The following EXT1 variants were observed in gnomAD, a reference collection of about 807,000 sequenced individuals.
EXT1 encodes the protein exostosin glycosyltransferase 1.
EXT1 carries 20 observed loss-of-function variants against 82.5 expected under a neutral mutation model. The ratio of observed to expected loss-of-function variants is 0.24; its 90% CI spans 0.17 to 0.35. EXT1 has a LOEUF of 0.35. Ranked by LOEUF, EXT1 falls within the 10% of genes least tolerant of loss-of-function variation. The pLI, the probability that EXT1 is intolerant of heterozygous loss-of-function variation, is 1.00. For synonymous variants in EXT1, 348 were observed against 350.8 expected (o/e 0.99, Z 0.09); for missense variants, 757 against 936.5 (o/e 0.81, Z 2.50).
At chr8:117,999,089 T>C (rs562911283) in intron 1 of EXT1, among the ~76,000 whole-genome samples, 13 of 152,296 alleles carry the variant, frequency 8.5e-5, no homozygotes, top group African/African-American at 3.1e-4. Context: ...GTGCCATCAT[T>C]TATAAAGTTG....
chr8:117,960,611 C>T (rs1193267763), intron 1 of EXT1, among the ~76,000 whole-genome samples: 1 of 152,184 alleles, frequency 6.6e-6, no homozygotes, highest in Non-Finnish European at 1.5e-5. Flanking sequence ...TAGTGAGGAA[C>T]TTTCACCATG....
chr8:118,073,618 GAGAAGAGAAGAGAA>G (rs1245318865), intron 1 of EXT1, among the ~76,000 whole-genome samples: 69 of 133,120 alleles, frequency 5.2e-4, no homozygotes, highest in African/African-American at 2.2e-3. Flanking sequence ...AGGAAAGGAA[GAGAAGAGAAGAGAA>G]AGAAGAGAAG....
chr8:117,862,569 T>G (rs1289986756), intron 1 of EXT1, among the ~76,000 whole-genome samples: 2 of 145,242 alleles, frequency 1.4e-5, no homozygotes, highest in Admixed American at 1.4e-4. Context: ...TGGGGACCAG[T>G]GTTTACTGAG....
intron 1 of EXT1, among the ~76,000 whole-genome samples, chr8:118,012,956 C>CCTT (rs1235371745): frequency 6.6e-6 from 1 of 152,254 alleles, no homozygotes; most frequent in Non-Finnish European, 1.5e-5. Flanking sequence ...GGCTCTCACT[C>CCTT]CTTCGTCTCT....
At chr8:118,049,458 G>A (rs140874448) in intron 1 of EXT1, among the ~76,000 whole-genome samples, 2 of 152,230 alleles carry the variant, frequency 1.3e-5, no homozygotes, top group Non-Finnish European at 1.5e-5. Flanking sequence ...GCAAAGCTCC[G>A]ACTTTGCAAG....
intron 1 of EXT1, among the ~76,000 whole-genome samples, chr8:118,061,083 G>T (rs1245284380): frequency 6.6e-6 from 1 of 152,166 alleles, no homozygotes; most frequent in African/African-American, 2.4e-5. Flanking sequence ...CTTTGACTGA[G>T]GCACTTGGGG....
intron 1 of EXT1, among the ~76,000 whole-genome samples, chr8:118,002,203 T>A (rs1015658117): frequency 2.0e-5 from 3 of 151,932 alleles, no homozygotes; most frequent in African/African-American, 7.2e-5. Flanking sequence ...AAACTCCATT[T>A]AAAAAAACAT....
intron 10 of EXT1, among the ~76,000 whole-genome samples, chr8:117,801,475 G>T (rs1285176176): frequency 6.6e-6 from 1 of 152,024 alleles, no homozygotes; most frequent in Non-Finnish European, 1.5e-5. Context: ...AACTTGTTTT[G>T]ACCCTAAATG....
At chr8:117,866,919 A>G (rs1246845706) in intron 1 of EXT1, among the ~76,000 whole-genome samples, 1 of 152,110 alleles carries the variant, frequency 6.6e-6, no homozygotes, top group Non-Finnish European at 1.5e-5. Context: ...TCTCAAGGAC[A>G]TTCAGTTTAC....
At chr8:117,808,638 G>A (rs1335234100) in intron 8 of EXT1, among the ~76,000 whole-genome samples, 1 of 152,156 alleles carries the variant, frequency 6.6e-6, no homozygotes, top group African/African-American at 2.4e-5. Context: ...TTGAGTCCTG[G>A]CACTGTGATG....
At chr8:118,035,044 T>C (rs1187517495) in intron 1 of EXT1, among the ~76,000 whole-genome samples, 2 of 152,196 alleles carry the variant, frequency 1.3e-5, no homozygotes, top group Admixed American at 6.5e-5. Flanking sequence ...TTAAGCACCA[T>C]GTTAAAACAG....
At chr8:117,929,212 G>A (rs1046157561) in intron 1 of EXT1, among the ~76,000 whole-genome samples, 4 of 152,170 alleles carry the variant, frequency 2.6e-5, no homozygotes, top group African/African-American at 9.7e-5. Context: ...CTGCAACACT[G>A]AGCTCAAGGA....
intron 1 of EXT1, among the ~76,000 whole-genome samples, chr8:117,844,150 T>TATTATC (rs998856869): frequency 3.4e-5 from 5 of 148,592 alleles, no homozygotes; most frequent in African/African-American, 1.2e-4. Context: ...TTATTATTAT[T>TATTATC]ATTATTATTA....
At chr8:117,975,881 A>G (rs1273688939) in intron 1 of EXT1, among the ~76,000 whole-genome samples, 4 of 152,192 alleles carry the variant, frequency 2.6e-5, no homozygotes, top group Non-Finnish European at 4.4e-5. Flanking sequence ...ACCCAGGAGT[A>G]ATTTTACAAG....
At chr8:118,061,659 G>T (rs898539257) in intron 1 of EXT1, among the ~76,000 whole-genome samples, 1 of 152,162 alleles carries the variant, frequency 6.6e-6, no homozygotes, top group Non-Finnish European at 1.5e-5. Context: ...AAAGTACTTT[G>T]TTCAACTTGC....
At chr8:117,882,971 T>C (rs1267877265) in intron 1 of EXT1, among the ~76,000 whole-genome samples, 1 of 142,890 alleles carries the variant, frequency 7.0e-6, no homozygotes, top group Non-Finnish European at 1.5e-5. Context: ...AATGAGACTC[T>C]GTCTCAAAGA....
chr8:117,799,425 C>T lies in EXT1; in HGVS notation c.*287G>A. On this transcript the variant is annotated 3_prime_UTR_variant, in exon 11 of 11. Coordinates refer to ENST00000378204, the MANE Select transcript of EXT1 (RefSeq NM_000127.3). ...TGATCATTAAAAAAGTTTAAACCTG[C>T]ATAGCAATCATTTCAAAAATAATTA... 4 of 413,158 alleles carry T rather than the reference C, an allele frequency of 9.7e-6. No individual in the cohort carries two copies. In the South Asian group the frequency reaches 1.4e-4, roughly 14 times the overall value. The allele number at this position is 413,158 out of a possible 1,614,324, so 25.6% of individuals were successfully genotyped here.
At chr8:118,007,357 T>C (rs1350687412) in intron 1 of EXT1, among the ~76,000 whole-genome samples, 1 of 151,954 alleles carries the variant, frequency 6.6e-6, no homozygotes, top group Non-Finnish European at 1.5e-5. Context: ...ACAGGTTACA[T>C]AAGAATATCT....
chr8:117,941,978 T>C (rs1486085287), intron 1 of EXT1, among the ~76,000 whole-genome samples: 1 of 152,164 alleles, frequency 6.6e-6, no homozygotes, highest in Non-Finnish European at 1.5e-5. Flanking sequence ...CATCCTATTT[T>C]CAGATGGGAC....
Sources: gnomAD v4.1 joint callset for allele counts (sites outside exome capture counted in the v4.1 genomes callset) on GRCh38, gnomAD v4.1.1 for gene constraint, MANE v1.5 for transcripts, NCBI Gene and HGNC (gene_info 2026-07-23, HGNC 2026-07-21) for gene names.